ARMC3: variants seen among roughly 807,000 people sequenced by gnomAD.
ARMC3 encodes the protein armadillo repeat-containing protein 3.
In ARMC3, 74 loss-of-function variants were observed where a neutral mutation model predicts 90.3. That is an observed-to-expected ratio of 0.82 (90% CI 0.68 to 0.99). The LOEUF is 0.99. Among genes scored for constraint, ARMC3 ranks in the 50% least tolerant of loss-of-function variants. The pLI is 0.00. For synonymous variants in ARMC3, 334 were observed against 361.8 expected, an observed-to-expected ratio of 0.92 and a Z score of 0.87; for missense variants, 958 against 1,042.8, an observed-to-expected ratio of 0.92 and a Z score of 1.12.
intron 8 of ARMC3, among the ~76,000 whole-genome samples, chr10:22,980,440 G>A (rs990170459): frequency 6.6e-6 from 1 of 151,916 alleles, no homozygotes; most frequent in African/African-American, 2.4e-5. Flanking sequence ...CATCAAAACA[G>A]TTTAATTTAA....
chr10:22,928,981 C>T (rs2131098796), intron 1 of ARMC3, among the ~76,000 whole-genome samples: 1 of 152,284 alleles, frequency 6.6e-6, no homozygotes, highest in South Asian at 2.1e-4. Flanking sequence ...AACCCCAGCA[C>T]TTTGGGAGGC....
At chr10:23,004,606 T>C (rs1837484881) in intron 13 of ARMC3, among the ~76,000 whole-genome samples, 1 of 152,102 alleles carries the variant, frequency 6.6e-6, no homozygotes, top group African/African-American at 2.4e-5. Context: ...GGAGTGAGGC[T>C]GACAGCAGAA....
chr10:22,928,998 G>A lies in ARMC3; in HGVS notation c.-2+892G>A, dbSNP rs182755759. Among the ~76,000 whole-genome samples, 18 of 152,250 alleles carry A rather than the reference G, an allele frequency of 1.2e-4. No individual in the cohort carries two copies. The East Asian group carries it at 1.4e-3, about 11-fold the overall frequency. ...CCCCAGCACTTTGGGAGGCTGAGGC[G>A]GGTGGATCGCCTGAAGTCAGGAGTT... On this transcript the variant is annotated intron_variant, in intron 1 of 18. Coordinates refer to ENST00000298032, the MANE Select transcript of ARMC3 (RefSeq NM_173081.5).
chr10:22,986,640 A>G (rs563114624), intron 10 of ARMC3, among the ~76,000 whole-genome samples: 1 of 152,202 alleles, frequency 6.6e-6, no homozygotes, highest in African/African-American at 2.4e-5. Context: ...TGATGAAAAC[A>G]AAGTCTATTT....
intron 18 of ARMC3, 111 bp from the exon 19 acceptor site, chr10:23,037,159 C>G: frequency 1.0e-6 from 1 of 999,586 alleles, no homozygotes; most frequent in Non-Finnish European, 1.4e-6. Context: ...CTAAACATTT[C>G]TTTGCAAGAC....
intron 16 of ARMC3, among the ~76,000 whole-genome samples, chr10:23,024,572 T>C (rs1030041628): frequency 6.6e-6 from 1 of 152,110 alleles, no homozygotes; most frequent in Non-Finnish European, 1.5e-5. Flanking sequence ...TGAAAGGAGG[T>C]GAGGCTTCCA....
chr10:22,928,921 A>C (rs1833817395), intron 1 of ARMC3, among the ~76,000 whole-genome samples: 1 of 152,166 alleles, frequency 6.6e-6, no homozygotes, highest in African/African-American at 2.4e-5. Context: ...CAGGATGTTA[A>C]AATCACTTTA....
At position 22,974,455 on chromosome 10, in the gene ARMC3, T is replaced by C. The variant is rs150318367; in HGVS notation, c.916+5966T>C. ...TTTATGTTTTATGCTTTCTGTTTATTTTTCTATGCTGTTCATTTCTTTGTA... is the reference window on the plus strand; with the variant it reads ...TTTATGTTTTATGCTTTCTGTTTATCTTTCTATGCTGTTCATTTCTTTGTA... On this transcript the variant is annotated intron_variant, in intron 8 of 18. Coordinates refer to ENST00000298032, the MANE Select transcript of ARMC3 (RefSeq NM_173081.5). Among the ~76,000 whole-genome samples the C allele has an allele frequency of 5.8e-3, 879 of 152,300 alleles. 6 individuals carry two copies. Among genetic ancestry groups the C allele is most frequent in the African/African-American group, 0.02 (843 of 41,572 alleles).
chr10:22,956,490 C>T (rs1237068806), intron 4 of ARMC3, among the ~76,000 whole-genome samples: 1 of 151,970 alleles, frequency 6.6e-6, no homozygotes, highest in Non-Finnish European at 1.5e-5. Flanking sequence ...GTAATCCCAC[C>T]TACTTGGGAG....
intron 3 of ARMC3, chr10:22,955,099 C>T (rs1834876824): frequency 6.6e-6 from 1 of 152,182 alleles, no homozygotes; most frequent in African/African-American, 2.4e-5. Flanking sequence ...TTACTCAAGC[C>T]CTCAACAGAT....
chr10:22,942,686 T>A (rs917936265), intron 2 of ARMC3, among the ~76,000 whole-genome samples: 2 of 152,134 alleles, frequency 1.3e-5, no homozygotes, highest in African/African-American at 4.8e-5. Context: ...CGACAGTACC[T>A]ACAAAAGGGA....
At chr10:22,972,568 T>C (rs1476959668) in intron 8 of ARMC3, among the ~76,000 whole-genome samples, 2 of 152,216 alleles carry the variant, frequency 1.3e-5, no homozygotes, top group Non-Finnish European at 2.9e-5. Context: ...CTCCTGTCTT[T>C]ATGTTAGAAT....
rs752688944 is a variant in ARMC3 at position 23,001,891 on chromosome 10, T to C, written c.1426-28T>C. 7 of 1,609,946 alleles carry C rather than the reference T, an allele frequency of 4.3e-6. No individual in the cohort carries two copies. The African/African-American group carries it at 8.0e-5, about 18-fold the overall frequency. ...AAATAGTTACATTCTACACTCTTAA[T>C]GTGTAACATTTTGGTTTCTGCTTTT... On this transcript the variant is annotated intron_variant, in intron 11 of 18. Coordinates refer to ENST00000298032, the MANE Select transcript of ARMC3 (RefSeq NM_173081.5).
chr10:22,951,237 G>A (rs376484624), intron 3 of ARMC3, among the ~76,000 whole-genome samples: 11 of 151,984 alleles, frequency 7.2e-5, no homozygotes, highest in African/African-American at 2.2e-4. Context: ...GCGCCTGGCC[G>A]AAAAATCTTA....
chr10:23,032,811 T>G (rs1838966570), intron 17 of ARMC3, 50 bp from the exon 18 acceptor site: 18 of 1,548,882 alleles, frequency 1.2e-5, no homozygotes, highest in Non-Finnish European at 1.6e-5. Flanking sequence ...CAAAGCATCC[T>G]AAGCGAGTTA....
rs5783816 is a variant in ARMC3, at chr10:23,018,514, A to ATTTTTTTTTTTT, written c.2045+9592_2045+9603dup. Among the ~76,000 whole-genome samples the ATTTTTTTTTTTT allele has an allele frequency of 3.5e-5, 4 of 115,484 alleles. 1 individual carries two copies. The highest frequency in any genetic ancestry group is 3.3e-5 in the Non-Finnish European group (2 of 59,986). 75.8% of individuals were successfully genotyped at this position (115,484 alleles called of 152,430 possible). A position where few individuals can be genotyped will look rare whatever the true frequency, so the allele number is the denominator to read the frequency against. On this transcript the variant is annotated intron_variant, in intron 16 of 18. Transcript: ENST00000298032. ...CATTTATTAGACTTGCACCTTAGTA[A>ATTTTTTTTTTTT]TTTTTTTTTTTTTTTTTTTTGAGAC... is the stretch of plus-strand genomic sequence containing the variant.
chr10:22,946,887 T>C (rs1331253246), intron 3 of ARMC3, among the ~76,000 whole-genome samples: 2 of 152,186 alleles, frequency 1.3e-5, no homozygotes, highest in Non-Finnish European at 2.9e-5. Context: ...CATCTGGGCA[T>C]GGTGGCTAAT....
At chr10:22,936,421 A>C (rs992263016) in intron 2 of ARMC3, among the ~76,000 whole-genome samples, 1 of 152,234 alleles carries the variant, frequency 6.6e-6, no homozygotes, top group Non-Finnish European at 1.5e-5. Flanking sequence ...TCATTGCTGA[A>C]GTTCTGTTGG....
At chr10:23,003,160 T>G in intron 12 of ARMC3, 86 bp from the exon 13 acceptor site, 2 of 1,240,916 alleles carry the variant, frequency 1.6e-6, no homozygotes, top group Middle Eastern at 5.5e-4. Flanking sequence ...CATTCTTCCT[T>G]CAGGATCTGA....
Sources: gnomAD v4.1 joint callset for allele counts (sites outside exome capture counted in the v4.1 genomes callset) on GRCh38, gnomAD v4.1.1 for gene constraint, MANE v1.5 for transcripts, NCBI Gene and HGNC (gene_info 2026-07-23, HGNC 2026-07-21) for gene names.